The following ZBTB44 variants were observed in gnomAD, a reference collection of about 807,000 sequenced individuals.
ZBTB44 encodes the protein zinc finger and BTB domain-containing protein 44.
A neutral mutation model predicts 54.0 loss-of-function variants in ZBTB44; 15 were observed. That is an observed-to-expected ratio of 0.28 (90% confidence interval 0.19 to 0.43). ZBTB44 has a LOEUF of 0.43. Among genes scored for constraint, ZBTB44 ranks in the 20% least tolerant of loss-of-function variants. ZBTB44 has a pLI of 1.00. For missense variants in ZBTB44, 487 were observed against 707.1 expected, an observed-to-expected ratio of 0.69 and a Z score of 3.53; for synonymous variants, 230 against 250.1, an observed-to-expected ratio of 0.92 and a Z score of 0.76.
chr11:130,280,350 CAT>C (rs1204194068), intron 1 of ZBTB44, among the ~76,000 whole-genome samples: 3 of 152,132 alleles, frequency 2.0e-5, no homozygotes, highest in Non-Finnish European at 1.5e-5. Context: ...GAAAAGAATA[CAT>C]ACCATTTAAA....
chr11:130,297,095 A>G, intron 1 of ZBTB44: 1 of 602,006 alleles, frequency 1.7e-6, no homozygotes, highest in Non-Finnish European at 3.0e-6. Flanking sequence ...CTGTTCTAAA[A>G]TGAATTTTTT....
intron 1 of ZBTB44, among the ~76,000 whole-genome samples, chr11:130,292,441 G>A (rs1941358570): frequency 6.6e-6 from 1 of 152,064 alleles, no homozygotes; most frequent in Admixed American, 6.6e-5. Flanking sequence ...GACAGAAAAG[G>A]CTGAGCCTTG....
intron 1 of ZBTB44, among the ~76,000 whole-genome samples, chr11:130,306,663 G>A (rs376608963): frequency 1.1e-4 from 17 of 152,102 alleles, no homozygotes; most frequent in African/African-American, 3.1e-4. Flanking sequence ...CAACCTAAAC[G>A]CCCATCAAAC....
intron 2 of ZBTB44, among the ~76,000 whole-genome samples, chr11:130,247,535 G>A (rs954280146): frequency 7.9e-5 from 12 of 152,188 alleles, no homozygotes; most frequent in Non-Finnish European, 1.6e-4. Context: ...CACCTGCTCT[G>A]AAGATCATCT....
intron 1 of ZBTB44, among the ~76,000 whole-genome samples, chr11:130,304,254 G>A (rs1450649332): frequency 1.3e-5 from 2 of 152,114 alleles, no homozygotes; most frequent in African/African-American, 2.4e-5. Flanking sequence ...AGGACTATCC[G>A]TTACAGTTGT....
chr11:130,254,372 G>GA (rs1055118550), intron 2 of ZBTB44, among the ~76,000 whole-genome samples: 7 of 151,850 alleles, frequency 4.6e-5, no homozygotes, highest in African/African-American at 1.5e-4. Flanking sequence ...AAATTTACAA[G>GA]AAAAAAACAA....
At chr11:130,268,173 T>TCA (rs1261222259) in intron 1 of ZBTB44, among the ~76,000 whole-genome samples, 1 of 148,128 alleles carries the variant, frequency 6.8e-6, no homozygotes, top group African/African-American at 2.5e-5. Context: ...GCAGGAAGAC[T>TCA]ACTTGAGCCC....
At chr11:130,257,279 C>T (rs1938522031) in intron 2 of ZBTB44, among the ~76,000 whole-genome samples, 1 of 150,332 alleles carries the variant, frequency 6.7e-6, no homozygotes, top group South Asian at 2.1e-4. Context: ...CATCTTAATC[C>T]TTGCTACCAA....
intron 1 of ZBTB44, among the ~76,000 whole-genome samples, chr11:130,274,461 A>C (rs573167665): frequency 6.6e-6 from 1 of 152,270 alleles, no homozygotes; most frequent in East Asian, 1.9e-4. Flanking sequence ...GGAAATTCCC[A>C]GTCTGTTATC....
intron 2 of ZBTB44, among the ~76,000 whole-genome samples, chr11:130,244,621 T>C (rs146653934): frequency 0.063 from 9,225 of 147,394 alleles, 719 homozygotes; most frequent in African/African-American, 0.18. Context: ...GAGCCAAGAT[T>C]GCGCCACTGC....
rs143206654 is a variant in ZBTB44, at chr11:130,259,331, G to C, written c.1018+1525C>G. Reference sequence around the variant, plus strand: ...ATGCTGTTGAGGATGTGGAGAAATAGGAAATGCTTTTACACTGTTGGTGGG... The same window carrying C: ...ATGCTGTTGAGGATGTGGAGAAATACGAAATGCTTTTACACTGTTGGTGGG... On this transcript the variant is annotated intron_variant, in intron 2 of 7. Coordinates refer to ENST00000357899, the MANE Select transcript of ZBTB44 (RefSeq NM_001301098.2). 1.6e-3 allele frequency among the ~76,000 whole-genome samples: 240 copies of C among 152,320 alleles called. 5 individuals carry two copies. In the South Asian group the frequency reaches 0.034, roughly 22 times the overall value.
intron 1 of ZBTB44, among the ~76,000 whole-genome samples, chr11:130,290,429 AC>A (rs1038260528): frequency 6.6e-6 from 1 of 152,182 alleles, no homozygotes; most frequent in Admixed American, 6.5e-5. Flanking sequence ...GAAAACTAAT[AC>A]AATTTCTCTT....
At chr11:130,290,408 C>T (rs943657118) in intron 1 of ZBTB44, among the ~76,000 whole-genome samples, 1 of 152,176 alleles carries the variant, frequency 6.6e-6, no homozygotes, top group East Asian at 1.9e-4. Context: ...TAATTAATTA[C>T]AACAGCCACA....
intron 4 of ZBTB44, among the ~76,000 whole-genome samples, chr11:130,237,673 C>T (rs1439642218): frequency 2.0e-5 from 3 of 152,082 alleles, no homozygotes; most frequent in African/African-American, 7.2e-5. Context: ...AATTCATTAT[C>T]ACAGTGTTTT....
intron 1 of ZBTB44, among the ~76,000 whole-genome samples, chr11:130,274,517 G>C (rs1939915955): frequency 6.6e-6 from 1 of 152,248 alleles, no homozygotes; most frequent in Admixed American, 6.5e-5. Flanking sequence ...CCCTTTTCAG[G>C]TTAAGGAAAC....
intron 1 of ZBTB44, among the ~76,000 whole-genome samples, chr11:130,300,157 G>A (rs1941913424): frequency 6.6e-6 from 1 of 152,140 alleles, no homozygotes; most frequent in Non-Finnish European, 1.5e-5. Context: ...GGGGATGTGG[G>A]GAGACAGAGA....
At chr11:130,307,244 G>A (rs1280271336) in intron 1 of ZBTB44, among the ~76,000 whole-genome samples, 1 of 151,968 alleles carries the variant, frequency 6.6e-6, no homozygotes, top group African/African-American at 2.4e-5. Flanking sequence ...CTAACACGGT[G>A]AAACCCCGTC....
intron 2 of ZBTB44, among the ~76,000 whole-genome samples, chr11:130,240,329 C>T (rs1014569142): frequency 2.6e-5 from 4 of 151,870 alleles, no homozygotes; most frequent in East Asian, 1.9e-4. Context: ...CGTGAGCCAC[C>T]GCACCCAGCC....
At chr11:130,288,323 G>A (rs148927505) in intron 1 of ZBTB44, among the ~76,000 whole-genome samples, 1,823 of 151,870 alleles carry the variant, frequency 0.012, 40 homozygotes, top group African/African-American at 0.042. Context: ...GCAGTGAGCC[G>A]AGATCATGCC....
Sources: allele counts gnomAD v4.1 joint callset (sites outside exome capture counted in the v4.1 genomes callset), GRCh38; gene constraint gnomAD v4.1.1; transcripts MANE v1.5; gene names NCBI Gene and HGNC (gene_info 2026-07-23, HGNC 2026-07-21).